The following KDM4C variants were observed in gnomAD, a reference collection of about 807,000 sequenced individuals.
The protein encoded by KDM4C is lysine demethylase 4C, also known as lysine-specific demethylase 4C.
Under a neutral mutation model 129.3 loss-of-function variants are expected in KDM4C, and 81 were observed. The observed-to-expected ratio is 0.63, with a 90% CI of 0.52 to 0.75. KDM4C has a LOEUF of 0.75. Among genes scored for constraint, KDM4C ranks in the 30% least tolerant of loss-of-function variants. KDM4C has a pLI of 0.00. For synonymous variants in KDM4C, 573 were observed against 456.1 expected (o/e 1.26, Z -3.26); for missense variants, 1,457 against 1,304.0 (o/e 1.12, Z -1.81).
At chr9:7,070,453 A>T (rs978177600) in intron 17 of KDM4C, among the ~76,000 whole-genome samples, 1 of 152,188 alleles carries the variant, frequency 6.6e-6, no homozygotes, top group South Asian at 2.1e-4. Context: ...CATATTCATC[A>T]TGAATATACA....
At position 7,053,190 on chromosome 9, in the gene KDM4C, A is replaced by T. The variant is rs187707368; in HGVS notation, c.2424+3990A>T. On this transcript the variant is annotated intron_variant, in intron 17 of 21. Coordinates refer to ENST00000381309, the MANE Select transcript of KDM4C (RefSeq NM_015061.6). ...TATTTTTAAAATGCTCATTATTAGCAGTCTTTCTAGAATATGAAATACTGG... is the reference window on the plus strand; with the variant it reads ...TATTTTTAAAATGCTCATTATTAGCTGTCTTTCTAGAATATGAAATACTGG... 3.9e-3 allele frequency among the ~76,000 whole-genome samples: 595 copies of T among 152,328 alleles called. 8 individuals carry two copies. Among genetic ancestry groups the T allele is most frequent in the African/African-American group, 0.013 (554 of 41,576 alleles).
In KDM4C at chr9:6,781,635, C is replaced by A. The variant is rs1824354115; in HGVS notation, c.-17-11337C>A. On this transcript the variant is annotated intron_variant, in intron 1 of 21. Transcript: ENST00000381309. ...ACAGACAGTGTAAAAGTGCAAAAAT[C>A]ATGGCACTAAATAGACCATAGAATG... 2.0e-5 allele frequency among the ~76,000 whole-genome samples: 3 copies of A among 152,154 alleles called. No homozygotes were observed. In the South Asian group the frequency reaches 6.2e-4, roughly 32 times the overall value.
At chr9:7,068,410 G>A (rs1184223827) in intron 17 of KDM4C, among the ~76,000 whole-genome samples, 2 of 152,088 alleles carry the variant, frequency 1.3e-5, no homozygotes, top group Non-Finnish European at 2.9e-5. Context: ...TTTACTAAAG[G>A]TAGTGCCAAC....
chr9:7,106,829 G>T (rs1837746599), intron 18 of KDM4C, among the ~76,000 whole-genome samples: 1 of 152,074 alleles, frequency 6.6e-6, no homozygotes, highest in African/African-American at 2.4e-5. Context: ...TTCATTGTTT[G>T]TTGAGCTTTG....
intron 15 of KDM4C, among the ~76,000 whole-genome samples, chr9:7,018,797 A>G (rs993764411): frequency 9.2e-5 from 14 of 152,234 alleles, no homozygotes; most frequent in African/African-American, 3.4e-4. Context: ...AGAAAATGCT[A>G]TGATTAATCA....
intron 1 of KDM4C, among the ~76,000 whole-genome samples, chr9:6,740,870 C>G (rs1817672388): frequency 1.3e-5 from 2 of 151,758 alleles, no homozygotes; most frequent in African/African-American, 4.8e-5. Flanking sequence ...CTCTGTTGTC[C>G]AAGTTGGATT....
At chr9:7,008,390 C>G (rs1822066947) in intron 12 of KDM4C, among the ~76,000 whole-genome samples, 1 of 152,182 alleles carries the variant, frequency 6.6e-6, no homozygotes, top group African/African-American at 2.4e-5. Flanking sequence ...CGGAGCCAGC[C>G]TCCAAGTCTG....
chr9:6,957,728 A>C (rs1204399111), intron 8 of KDM4C, among the ~76,000 whole-genome samples: 1 of 152,156 alleles, frequency 6.6e-6, no homozygotes. Context: ...ATGTCAAGCC[A>C]GGGTGGTGGG....
chr9:7,098,869 A>G (rs1180812074), intron 17 of KDM4C, among the ~76,000 whole-genome samples: 1 of 152,086 alleles, frequency 6.6e-6, no homozygotes, highest in Non-Finnish European at 1.5e-5. Flanking sequence ...ATGAATAATA[A>G]TGAGCAGAAC....
intron 5 of KDM4C, 119 bp from the exon 6 acceptor site, chr9:6,879,893 A>C (rs562081499): frequency 3.7e-5 from 19 of 514,258 alleles, no homozygotes; most frequent in Non-Finnish European, 6.7e-5. Context: ...TACTCAGTTC[A>C]TCTAAGTGGA....
intron 8 of KDM4C, among the ~76,000 whole-genome samples, chr9:6,963,982 G>A (rs1269780995): frequency 1.3e-5 from 2 of 152,164 alleles, no homozygotes; most frequent in Non-Finnish European, 2.9e-5. Context: ...CAAGCTGTTG[G>A]AGCTAATAAT....
chr9:6,800,462 C>T (rs1465846191), intron 2 of KDM4C, among the ~76,000 whole-genome samples: 1 of 151,972 alleles, frequency 6.6e-6, no homozygotes, highest in Non-Finnish European at 1.5e-5. Flanking sequence ...TTTCTTGAGC[C>T]TGAGAGGTCC....
intron 5 of KDM4C, among the ~76,000 whole-genome samples, chr9:6,868,342 TA>T (rs370836675): frequency 2.6e-4 from 39 of 152,214 alleles, no homozygotes; most frequent in African/African-American, 9.1e-4. Context: ...AGAGTTTCCG[TA>T]GGTAACATAG....
intron 8 of KDM4C, among the ~76,000 whole-genome samples, chr9:6,915,400 G>A (rs558766342): frequency 1.3e-5 from 2 of 152,246 alleles, no homozygotes; most frequent in East Asian, 1.9e-4. Context: ...TTGCTGTATT[G>A]TCTTCTCACT....
intron 8 of KDM4C, among the ~76,000 whole-genome samples, chr9:6,894,832 G>C (rs1846604392): frequency 6.6e-6 from 1 of 152,210 alleles, no homozygotes; most frequent in Non-Finnish European, 1.5e-5. Flanking sequence ...GGCTGGATCT[G>C]ACAACCAAGT....
chr9:6,964,745 G>GCACTC lies in KDM4C; in HGVS notation c.922-16177_922-16173dup, dbSNP rs1830614465. 3.0e-5 allele frequency among the ~76,000 whole-genome samples: 4 copies of GCACTC among 134,726 alleles called. No homozygotes were observed. The East Asian group carries it at 1.0e-3, about 35-fold the overall frequency. The allele number at this position is 134,726 out of a possible 152,430, so 88.4% of individuals were successfully genotyped here. A position where few individuals can be genotyped will look rare whatever the true frequency, so the allele number is the denominator to read the frequency against. On this transcript the variant is annotated intron_variant, in intron 8 of 21. Transcript: ENST00000381309. The stretch of plus-strand genomic sequence containing the variant: ...TGCAGTGAGCCGAGATCACGCCACT[G>GCACTC]CACTCCAGCCTGGGGGACAGAGTGA...
chr9:7,164,571 C>G (rs921709633), intron 19 of KDM4C, among the ~76,000 whole-genome samples: 4 of 152,078 alleles, frequency 2.6e-5, no homozygotes, highest in African/African-American at 7.2e-5. Context: ...TTAGAAGGGC[C>G]GTGCTAAACA....
chr9:6,774,819 T>TTCTATCTCTTCCA (rs1361760318), intron 1 of KDM4C, among the ~76,000 whole-genome samples: 1 of 152,212 alleles, frequency 6.6e-6, no homozygotes, highest in Non-Finnish European at 1.5e-5. Context: ...TCACTGTATG[T>TTCTATCTCTTCCA]TTCTCTTCTA....
At chr9:6,767,255 C>T (rs545140417) in intron 1 of KDM4C, among the ~76,000 whole-genome samples, 2 of 152,160 alleles carry the variant, frequency 1.3e-5, no homozygotes, top group South Asian at 4.1e-4. Context: ...TCTCCTGCCT[C>T]AGCCTCCCGA....
Sources: allele counts gnomAD v4.1 joint callset (sites outside exome capture counted in the v4.1 genomes callset), GRCh38; gene constraint gnomAD v4.1.1; transcripts MANE v1.5; gene names NCBI Gene and HGNC (gene_info 2026-07-23, HGNC 2026-07-21).